DLGAP1: variants seen among roughly 807,000 people sequenced by gnomAD.
The protein encoded by DLGAP1 is disks large-associated protein 1.
In DLGAP1, 11 loss-of-function variants were observed where a neutral mutation model predicts 90.8. The observed-to-expected ratio is 0.12, with a 90% confidence interval of 0.08 to 0.20. The LOEUF (loss-of-function observed/expected upper bound fraction) is 0.20. Among genes scored for constraint, DLGAP1 ranks in the 10% least tolerant of loss-of-function variants. The pLI is 1.00. For missense variants in DLGAP1, 1,050 were observed against 1,333.8 expected (o/e 0.79, Z 3.31); for synonymous variants, 558 against 540.7 (o/e 1.03, Z -0.44).
chr18:3,826,590 C>T (rs533627036), intron 4 of DLGAP1, among the ~76,000 whole-genome samples: 3 of 152,078 alleles, frequency 2.0e-5, no homozygotes, highest in Non-Finnish European at 2.9e-5. Flanking sequence ...ATGCACACAG[C>T]GGGAGGCCAG....
In DLGAP1 at chr18:4,341,723, A is replaced by T. The variant is rs78871541; in HGVS notation, c.-267+113283T>A. Among the ~76,000 whole-genome samples, 1,150 of 152,208 alleles carry T rather than the reference A, an allele frequency of 7.6e-3. 13 individuals are homozygous for T. Among genetic ancestry groups the T allele is most frequent in the African/African-American group, 0.026 (1,095 of 41,474 alleles). ...AGGAATAATAGTCTAGAATTTTTTT[A>T]AAATAGTATTTGGTATACTGGATAC... On this transcript the variant is annotated intron_variant, in intron 1 of 12. Transcript: ENST00000315677.
intron 7 of DLGAP1, among the ~76,000 whole-genome samples, chr18:3,658,451 C>T (rs1016658080): frequency 6.6e-6 from 1 of 152,134 alleles, no homozygotes. Context: ...CAGAATACTT[C>T]CTGAGATCTT....
chr18:4,066,133 T>TGG (rs2075367231), intron 2 of DLGAP1, among the ~76,000 whole-genome samples: 1 of 152,146 alleles, frequency 6.6e-6, no homozygotes, highest in Non-Finnish European at 1.5e-5. Flanking sequence ...ACTGAACCTC[T>TGG]TCCTTACACT....
chr18:3,504,170 C>A (rs2050090057), intron 11 of DLGAP1, among the ~76,000 whole-genome samples: 1 of 152,058 alleles, frequency 6.6e-6, no homozygotes, highest in Admixed American at 6.6e-5. Flanking sequence ...CCCAAAAGTT[C>A]TAAAGTTCAT....
chr18:3,939,101 A>G (rs1010204844), intron 3 of DLGAP1, among the ~76,000 whole-genome samples: 1 of 152,138 alleles, frequency 6.6e-6, no homozygotes, highest in Non-Finnish European at 1.5e-5. Flanking sequence ...CTAATAGCAA[A>G]CAGAAACAGG....
chr18:4,171,791 A>G (rs1339221535), intron 1 of DLGAP1, among the ~76,000 whole-genome samples: 1 of 152,166 alleles, frequency 6.6e-6, no homozygotes, highest in Non-Finnish European at 1.5e-5. Context: ...AAATATGGTT[A>G]TTATGTACTT....
At position 4,312,776 on chromosome 18, in the gene DLGAP1, G is replaced by A. The variant is rs533812543; in HGVS notation, c.-267+142230C>T. Among the ~76,000 whole-genome samples, 37 of 151,888 alleles carry A rather than the reference G, an allele frequency of 2.4e-4. No individual in the cohort carries two copies. The South Asian group carries it at 4.2e-3, about 17-fold the overall frequency. On this transcript the variant is annotated intron_variant, in intron 1 of 12. Coordinates refer to ENST00000315677, the MANE Select transcript of DLGAP1 (RefSeq NM_004746.4). ...AATTCTATGATATAATCGTTTCTGT[G>A]CCAAAGTACAGAAATAACAGATTTT...
chr18:3,571,804 G>A (rs1206251710), intron 8 of DLGAP1, among the ~76,000 whole-genome samples: 3 of 152,162 alleles, frequency 2.0e-5, no homozygotes, highest in African/African-American at 2.4e-5. Flanking sequence ...GGGATTACAG[G>A]CGTGAGCCAA....
intron 1 of DLGAP1, among the ~76,000 whole-genome samples, chr18:4,326,095 T>C (rs2080811273): frequency 6.6e-6 from 1 of 151,796 alleles, no homozygotes. Context: ...TGGGAGAAAA[T>C]ATTTGCAAAC....
chr18:3,499,429 C>T lies in DLGAP1; in HGVS notation c.2725-35G>A. On this transcript the variant is annotated intron_variant, in intron 12 of 12. Transcript: ENST00000315677. The surrounding 1 kb of genome is among the most constrained non-coding windows in gnomAD (Gnocchi z 6.4). The stretch of plus-strand genomic sequence containing the variant: ...GCAGAAGGTTCAGGACATTACACAG[C>T]TTCTCAGGACAAGCTTGGGAAAAAC... The T allele has an allele frequency of 6.5e-7, 1 of 1,545,306 alleles. No individual in the cohort carries two copies. The highest frequency in any genetic ancestry group is 8.7e-7 in the Non-Finnish European group (1 of 1,144,528).
chr18:4,381,378 T>G (rs12454242), intron 1 of DLGAP1, among the ~76,000 whole-genome samples: 41,605 of 152,054 alleles, frequency 0.27, 6,718 homozygotes, highest in African/African-American at 0.44. Context: ...AAAGCTATAG[T>G]GAGCATATTT....
chr18:3,635,169 C>G (rs952739643), intron 7 of DLGAP1, among the ~76,000 whole-genome samples: 1 of 148,282 alleles, frequency 6.7e-6, no homozygotes, highest in African/African-American at 2.5e-5. Flanking sequence ...CTCGCTCTTT[C>G]ACCCAGGCTG....
chr18:4,039,282 A>G (rs1271394213), intron 2 of DLGAP1, among the ~76,000 whole-genome samples: 1 of 152,192 alleles, frequency 6.6e-6, no homozygotes, highest in Non-Finnish European at 1.5e-5. Flanking sequence ...TCCTCTGTAC[A>G]GCCTGACACA....
chr18:3,618,921 T>G (rs371988568), intron 7 of DLGAP1, among the ~76,000 whole-genome samples: 41 of 139,704 alleles, frequency 2.9e-4, no homozygotes, highest in Admixed American at 1.3e-3. Context: ...CCTGGGTGAC[T>G]GAGCGAGACT....
intron 2 of DLGAP1, among the ~76,000 whole-genome samples, chr18:4,085,221 G>A (rs6506178): frequency 0.6 from 90,426 of 151,878 alleles, 27,616 homozygotes; most frequent in Non-Finnish European, 0.64. Flanking sequence ...TAAAAAATCA[G>A]GAAGCTAATT....
chr18:3,532,712 A>G (rs2052092637), intron 10 of DLGAP1, among the ~76,000 whole-genome samples: 1 of 152,360 alleles, frequency 6.6e-6, no homozygotes, highest in African/African-American at 2.4e-5. Context: ...GCAGGCATTA[A>G]TGCCTACCAC....
chr18:4,167,372 T>A (rs772948799), intron 1 of DLGAP1, among the ~76,000 whole-genome samples: 4 of 152,136 alleles, frequency 2.6e-5, no homozygotes, highest in Non-Finnish European at 5.9e-5. Flanking sequence ...TAATGTCAGA[T>A]AAAGTAGACA....
intron 1 of DLGAP1, among the ~76,000 whole-genome samples, chr18:4,178,739 T>C (rs543351836): frequency 5.3e-5 from 8 of 152,142 alleles, no homozygotes; most frequent in Admixed American, 5.2e-4. Context: ...CCAAGAATCT[T>C]AAAATATACA....
At chr18:3,713,446 A>G (rs574346349) in intron 7 of DLGAP1, among the ~76,000 whole-genome samples, 2 of 152,218 alleles carry the variant, frequency 1.3e-5, no homozygotes, top group South Asian at 4.1e-4. Context: ...AGATTTGTGC[A>G]TGTGGGGGAG....
Sources: gnomAD v4.1 joint callset for allele counts (sites outside exome capture counted in the v4.1 genomes callset) on GRCh38, gnomAD v4.1.1 for gene constraint, Gnocchi (gnomAD v3.1) non-coding constraint, MANE v1.5 for transcripts, NCBI Gene and HGNC (gene_info 2026-07-23, HGNC 2026-07-21) for gene names.